DLG2: variants seen among roughly 807,000 people sequenced by gnomAD.
DLG2 encodes disks large homolog 2.
Under a neutral mutation model 132.5 loss-of-function variants are expected in DLG2, and 45 were observed. The ratio of observed to expected loss-of-function variants is 0.34; its 90% confidence interval spans 0.27 to 0.44. The LOEUF (loss-of-function observed/expected upper bound fraction) is 0.44. Among genes scored for constraint, DLG2 ranks in the 20% least tolerant of loss-of-function variants. The pLI, the probability that DLG2 is intolerant of heterozygous loss-of-function variation, is 1.00. For missense variants in DLG2, 1,045 were observed against 1,196.9 expected, an observed-to-expected ratio of 0.87 and a Z score of 1.87; for synonymous variants, 424 against 419.6, an observed-to-expected ratio of 1.01 and a Z score of -0.13.
intron 7 of DLG2, among the ~76,000 whole-genome samples, chr11:84,505,942 A>C (rs1206892157): frequency 6.6e-6 from 1 of 152,096 alleles, no homozygotes; most frequent in African/African-American, 2.4e-5. Flanking sequence ...TGAAGGTTAT[A>C]AATTCCTGAA....
At chr11:85,569,609 G>T (rs143553794) in intron 3 of DLG2, among the ~76,000 whole-genome samples, 1 of 151,848 alleles carries the variant, frequency 6.6e-6, no homozygotes, top group African/African-American at 2.4e-5. Context: ...CCTTTCAAAC[G>T]TGAAAAAATG....
intron 18 of DLG2, among the ~76,000 whole-genome samples, chr11:83,677,159 T>G (rs1004118362): frequency 3.3e-5 from 5 of 152,152 alleles, no homozygotes; most frequent in Admixed American, 3.3e-4. Context: ...TGATTCATGT[T>G]TATTAAAAGT....
At chr11:83,853,849 C>T (rs2060132497) in intron 16 of DLG2, among the ~76,000 whole-genome samples, 1 of 152,086 alleles carries the variant, frequency 6.6e-6, no homozygotes, top group Admixed American at 6.5e-5. Context: ...TTCACCACCG[C>T]CTTTCGTCAT....
intron 18 of DLG2, chr11:83,724,777 C>T: frequency 4.3e-6 from 3 of 692,644 alleles, no homozygotes; most frequent in Non-Finnish European, 7.9e-6. Context: ...CTGCTGCCCT[C>T]TTTTCATTTT....
At chr11:85,099,577 T>C (rs2070511968) in intron 6 of DLG2, among the ~76,000 whole-genome samples, 1 of 152,218 alleles carries the variant, frequency 6.6e-6, no homozygotes, top group Non-Finnish European at 1.5e-5. Context: ...ATTTTAACAT[T>C]AAATTGTGTG....
At chr11:85,556,523 T>TAATTTAATGTTATAAATATATCACA (rs1414787455) in intron 3 of DLG2, among the ~76,000 whole-genome samples, 8 of 151,996 alleles carry the variant, frequency 5.3e-5, no homozygotes, top group Non-Finnish European at 1.2e-4. Flanking sequence ...GTTTACAAAT[T>TAATTTAATGTTATAAATATATCACA]AATTTAATGT....
At chr11:83,455,066 C>T (rs2088716175), downstream of DLG2, 1 of 152,580 alleles carries the variant, frequency 6.6e-6, no homozygotes, top group Admixed American at 6.5e-5. Context: ...AAAACCATGA[C>T]ATGTTTATAA....
chr11:84,272,070 C>T (rs1598811720), intron 7 of DLG2: 1 of 163,264 alleles, frequency 6.1e-6, no homozygotes, highest in South Asian at 1.5e-4. Flanking sequence ...GAGAGTTTCC[C>T]ACCATTAGTT....
At chr11:85,508,810 A>G (rs1358985294) in intron 3 of DLG2, among the ~76,000 whole-genome samples, 1 of 152,096 alleles carries the variant, frequency 6.6e-6, no homozygotes, top group Non-Finnish European at 1.5e-5. Context: ...ATTCCGAGAC[A>G]GTAAAATAGC....
intron 19 of DLG2, among the ~76,000 whole-genome samples, chr11:83,542,781 G>A (rs1208635869): frequency 6.6e-6 from 1 of 152,064 alleles, no homozygotes. Flanking sequence ...ACATCCTGCT[G>A]TATATCCCAT....
At chr11:84,115,326 G>A (rs1325453150) in intron 9 of DLG2, among the ~76,000 whole-genome samples, 1 of 151,096 alleles carries the variant, frequency 6.6e-6, no homozygotes, top group Non-Finnish European at 1.5e-5. Context: ...AATATTTTCT[G>A]GAAGCAAGTG....
chr11:83,922,126 C>A (rs1367457996), intron 15 of DLG2, among the ~76,000 whole-genome samples: 1 of 152,028 alleles, frequency 6.6e-6, no homozygotes, highest in African/African-American at 2.4e-5. Context: ...TTATTGAATT[C>A]TTAATGAAAG....
At chr11:83,819,901 A>G (rs541315265) in intron 17 of DLG2, among the ~76,000 whole-genome samples, 1 of 152,276 alleles carries the variant, frequency 6.6e-6, no homozygotes, top group Admixed American at 6.5e-5. Flanking sequence ...CTCCCAGCTG[A>G]TTCCTAGTGG....
chr11:83,776,833 T>C (rs980676022), intron 18 of DLG2, among the ~76,000 whole-genome samples: 28 of 152,224 alleles, frequency 1.8e-4, no homozygotes, highest in African/African-American at 6.8e-4. Flanking sequence ...ATTATTCCCG[T>C]GGAATGCCTT....
At chr11:85,172,226 C>T (rs1230731875) in intron 4 of DLG2, among the ~76,000 whole-genome samples, 1 of 152,162 alleles carries the variant, frequency 6.6e-6, no homozygotes, top group African/African-American at 2.4e-5. Context: ...GTTGGTGACC[C>T]CCTGAAATCC....
intron 16 of DLG2, among the ~76,000 whole-genome samples, chr11:83,840,248 A>G (rs2057251147): frequency 6.6e-6 from 1 of 152,070 alleles, no homozygotes; most frequent in Non-Finnish European, 1.5e-5. Flanking sequence ...AATTGCTCAT[A>G]CCTTCTTCTC....
At chr11:84,710,141 T>C (rs1466260653) in intron 6 of DLG2, among the ~76,000 whole-genome samples, 1 of 151,972 alleles carries the variant, frequency 6.6e-6, no homozygotes, top group Non-Finnish European at 1.5e-5. Context: ...GATTAATTCA[T>C]GTCAAGTCCT....
chr11:84,139,159 C>G (rs184728234), intron 9 of DLG2, among the ~76,000 whole-genome samples: 1 of 152,150 alleles, frequency 6.6e-6, no homozygotes, highest in Admixed American at 6.5e-5. Flanking sequence ...TGTCTGTCTC[C>G]CCTTCTACCT....
chr11:84,085,198 GAAAAT>G (rs1157158290), intron 10 of DLG2, among the ~76,000 whole-genome samples: 1 of 152,102 alleles, frequency 6.6e-6, no homozygotes, highest in East Asian at 1.9e-4. Context: ...ACCAATTCTT[GAAAAT>G]ATTTAAGATT....
Sources: allele counts gnomAD v4.1 joint callset (sites outside exome capture counted in the v4.1 genomes callset), GRCh38; gene constraint gnomAD v4.1.1; transcripts MANE v1.5; gene names NCBI Gene and HGNC (gene_info 2026-07-23, HGNC 2026-07-21).